The following ATG16L2 variants were observed in gnomAD, a reference collection of about 807,000 sequenced individuals.
ATG16L2 encodes autophagy related 16 like 2.
ATG16L2 carries 77 observed loss-of-function variants against 84.7 expected under a neutral mutation model. The ratio of observed to expected loss-of-function variants is 0.91; its 90% CI spans 0.76 to 1.10. The LOEUF is 1.10. Among genes scored for constraint, ATG16L2 ranks in the 50% least tolerant of loss-of-function variants. The pLI, the probability that ATG16L2 is intolerant of heterozygous loss-of-function variation, is 0.00. For missense variants in ATG16L2, 782 were observed against 817.6 expected (o/e 0.96, Z 0.53); for synonymous variants, 361 against 342.8 (o/e 1.05, Z -0.59).
At chr11:72,830,801 A>ATTCG (rs1447041195), downstream of ATG16L2, among the ~76,000 whole-genome samples, 6 of 151,108 alleles carry the variant, frequency 4.0e-5, no homozygotes, top group East Asian at 1.2e-3. Flanking sequence ...TCATTCATTC[A>ATTCG]TTTACTCATT....
intron 5 of ATG16L2, chr11:72,841,475 G>GA: frequency 1.2e-6 from 2 of 1,611,168 alleles, no homozygotes; most frequent in Non-Finnish European, 1.7e-6. Context: ...GGAGACCGGG[G>GA]AAAGTACAGG....
chr11:72,840,865 T>TCAGA, intron 5 of ATG16L2: 1 of 1,578,028 alleles, frequency 6.3e-7, no homozygotes, highest in Non-Finnish European at 8.7e-7. Flanking sequence ...TCCTGCAAGA[T>TCAGA]CAGAGACTTA....
chr11:72,835,195 C>CA (rs1402224022), intron 5 of ATG16L2, among the ~76,000 whole-genome samples: 3 of 152,226 alleles, frequency 2.0e-5, no homozygotes, highest in African/African-American at 7.2e-5. Context: ...AAGCAGCTTT[C>CA]ACTGGCAGGG....
chr11:72,825,429 G>C (rs1565268634), intron 10 of ATG16L2, 22 bp downstream of exon 10: 1 of 1,592,878 alleles, frequency 6.3e-7, no homozygotes, highest in Non-Finnish European at 8.6e-7. Context: ...TCCCCTGCCG[G>C]CCAACTTGGT....
chr11:72,822,379 G>C lies in ATG16L2; in HGVS notation c.644+84G>C. 2 of 1,581,444 alleles carry C rather than the reference G, an allele frequency of 1.3e-6. No individual in the cohort carries two copies. Among genetic ancestry groups the C allele is most frequent in the Non-Finnish European group, 1.7e-6 (2 of 1,164,278 alleles). ...GGGCCTCGCCGGTGTCTGGAAGGGAGGGGGGCAGCAGCCGCCCCCTGGAGG... is the reference window on the plus strand; with the variant it reads ...GGGCCTCGCCGGTGTCTGGAAGGGACGGGGGCAGCAGCCGCCCCCTGGAGG... On this transcript the variant is annotated intron_variant, in intron 5 of 17. Coordinates refer to ENST00000321297, the MANE Select transcript of ATG16L2 (RefSeq NM_033388.2). The surrounding 1 kb of genome is among the most constrained non-coding windows in gnomAD (Gnocchi z 4.2).
Position 72,828,429 on chromosome 11 carries a change from C to T in ATG16L2, c.1543C>T (p.Leu515=), listed in dbSNP as rs1288622482. The T allele has an allele frequency of 6.2e-7, 1 of 1,614,026 alleles. No homozygotes were observed. The highest frequency in any genetic ancestry group is 1.7e-5 in the Admixed American group (1 of 60,008). The change falls in exon 15 of 18, where the codon CTG becomes TTG. Residue 515 remains leucine, a synonymous_variant. Transcript: ENST00000321297. The part of the protein sequence containing the change: ...VTSLSLSHDQ[L]HLLSCSRDNT... ...CTCCCTGAGCCTCAGCCACGACCAACTGCACCTGCTCAGCTGTTCCCGAGA... is the reference window on the plus strand; with the variant it reads ...CTCCCTGAGCCTCAGCCACGACCAATTGCACCTGCTCAGCTGTTCCCGAGA...
intron 14 of ATG16L2, 132 bp from the exon 15 acceptor site, chr11:72,828,227 A>C: frequency 1.0e-6 from 1 of 971,870 alleles, no homozygotes; most frequent in Non-Finnish European, 1.5e-6. Flanking sequence ...CGCAGCCTTT[A>C]CCCCAGCGAT....
At chr11:72,832,233 G>A (rs184616354), downstream of ATG16L2, among the ~76,000 whole-genome samples, 21 of 152,296 alleles carry the variant, frequency 1.4e-4, no homozygotes, top group Non-Finnish European at 2.2e-4. Flanking sequence ...ACTGATCTCT[G>A]GGACAGTGAG....
At chr11:72,821,279 G>GTATCATTAAAAA in intron 3 of ATG16L2, 1 of 1,022,504 alleles carries the variant, frequency 9.8e-7, no homozygotes, top group Non-Finnish European at 1.2e-6. Context: ...GGCGCCCGAG[G>GTATCATTAAAAA]GCCGGATGGG....
intron 17 of ATG16L2, 114 bp downstream of exon 17, chr11:72,829,098 C>T: frequency 8.5e-7 from 1 of 1,178,328 alleles, no homozygotes; most frequent in Non-Finnish European, 1.2e-6. Flanking sequence ...CACCTTCCAC[C>T]CGACCAGAGC....
In ATG16L2 at chr11:72,821,540, G is replaced by A. The variant is rs1180612810; in HGVS notation, c.319-128G>A. On this transcript the variant is annotated intron_variant, in intron 3 of 17. Coordinates refer to ENST00000321297, the MANE Select transcript of ATG16L2 (RefSeq NM_033388.2). The stretch of plus-strand genomic sequence containing the variant: ...CTGTGCAAGGTCCCAAACCTGTGTG[G>A]GGCTCAGCTTGCTTTTCAGGAAGGG... 4 of 1,474,586 alleles carry A rather than the reference G, an allele frequency of 2.7e-6. No homozygotes were observed. In the Admixed American group the frequency reaches 9.9e-5, roughly 36 times the overall value. The allele number at this position is 1,474,586 out of a possible 1,614,324, so 91.3% of individuals were successfully genotyped here.
At chr11:72,828,685 CT>C (rs1860504293) in intron 15 of ATG16L2, 43 bp from the exon 16 acceptor site, 2 of 1,610,984 alleles carry the variant, frequency 1.2e-6, no homozygotes, top group African/African-American at 2.7e-5. Flanking sequence ...AGGGCAGAGA[CT>C]AGTGATGACC....
chr11:72,840,190 A>C (rs1284398917), intron 5 of ATG16L2, among the ~76,000 whole-genome samples: 3 of 152,206 alleles, frequency 2.0e-5, no homozygotes, highest in Non-Finnish European at 4.4e-5. Flanking sequence ...AACACTGTCC[A>C]GCTTACCACT....
intron 1 of ATG16L2, among the ~76,000 whole-genome samples, chr11:72,815,287 C>T (rs1859642929): frequency 6.6e-6 from 1 of 152,352 alleles, no homozygotes; most frequent in African/African-American, 2.4e-5. Flanking sequence ...GAAGTCTAAC[C>T]ACAATCCCTG....
rs185960628 is a variant in ATG16L2 at position 72,842,466 on chromosome 11, T to A, written c.*22-151T>A. Among the ~76,000 whole-genome samples, 928 of 152,332 alleles carry A rather than the reference T, an allele frequency of 6.1e-3. 4 individuals carry two copies. The highest frequency in any genetic ancestry group is 9.2e-3 in the Non-Finnish European group (626 of 68,028). ...TCCACAAGGGACTGACTGACAAGTC[T>A]CTGGTTTCCCAAATGCAGTTGTGCA... On this transcript the variant is annotated intron_variant, in intron 5 of 5. Transcript: ENST00000534905.
chr11:72,817,465 C>T (rs1222016392), intron 2 of ATG16L2, among the ~76,000 whole-genome samples: 1 of 152,200 alleles, frequency 6.6e-6, no homozygotes, highest in Non-Finnish European at 1.5e-5. Context: ...GTGATCCTTC[C>T]ACCTCGGCCT....
exon 6 of ATG16L2, chr11:72,842,961 AT>A: frequency 1.1e-6 from 1 of 930,600 alleles, no homozygotes; most frequent in Non-Finnish European, 1.6e-6. Flanking sequence ...TAAAGTTGTA[AT>A]TTTTTTACTC....
At chr11:72,829,236 G>C (rs1265517804) in intron 17 of ATG16L2, 67 bp from the exon 18 acceptor site, 14 of 1,549,796 alleles carry the variant, frequency 9.0e-6, no homozygotes, top group Non-Finnish European at 1.2e-5. Context: ...TCCAGCAGTC[G>C]GGGCAGAGCC....
rs199579390 is a variant in ATG16L2 at position 72,822,984 on chromosome 11, C to T, written c.824+23C>T. The stretch of plus-strand genomic sequence containing the variant: ...CAGGTGAGGACCCAGGTGACAGTCT[C>T]AGAGCTCTGAGCTGAGCCCCACCCC... On this transcript the variant is annotated intron_variant, in intron 7 of 17. Coordinates refer to ENST00000321297, the MANE Select transcript of ATG16L2 (RefSeq NM_033388.2). The surrounding 1 kb of genome is among the most constrained non-coding windows in gnomAD (Gnocchi z 4.2). 2.4e-5 allele frequency: 37 copies of T among 1,517,702 alleles called. No individual in the cohort carries two copies. Among genetic ancestry groups the T allele is most frequent in the Non-Finnish European group, 3.0e-5 (33 of 1,117,940 alleles). 94.0% of individuals were successfully genotyped at this position (1,517,702 alleles called of 1,614,324 possible).
Sources: gnomAD v4.1 joint callset for allele counts (sites outside exome capture counted in the v4.1 genomes callset) on GRCh38, gnomAD v4.1.1 for gene constraint, Gnocchi (gnomAD v3.1) non-coding constraint, MANE v1.5 for transcripts, NCBI Gene and HGNC (gene_info 2026-07-23, HGNC 2026-07-21) for gene names.